The following SLC5A8 variants were observed in gnomAD, a reference collection of about 807,000 sequenced individuals.
The protein encoded by SLC5A8 is solute carrier family 5 member 8, also known as sodium-coupled monocarboxylate transporter 1.
SLC5A8 carries 55 observed loss-of-function variants against 71.9 expected under a neutral mutation model. That is an observed-to-expected ratio of 0.77 (90% confidence interval 0.62 to 0.96). The LOEUF (loss-of-function observed/expected upper bound fraction) is 0.96, where lower values mean the gene tolerates loss of function less well. Ranked by LOEUF, SLC5A8 falls within the 40% of genes least tolerant of loss-of-function variation. The probability of loss-of-function intolerance (pLI) is 0.00; values close to 1 mark genes in which losing one functional copy is unlikely to be tolerated. For missense variants in SLC5A8, 701 were observed against 745.3 expected, an observed-to-expected ratio of 0.94 and a Z score of 0.69; for synonymous variants, 307 against 276.1, an observed-to-expected ratio of 1.11 and a Z score of -1.11.
Position 101,157,314 on chromosome 12 carries a change from C to T in SLC5A8, c.1798G>A (p.Asp600Asn), listed in dbSNP as rs1449445650. The change falls in exon 15 of 15, where the codon GAT (aspartate) becomes AAT (asparagine). Residue 600 changes from aspartate to asparagine, a missense_variant. By Grantham distance (23) the Asp-to-Asn change is conservative (BLOSUM62 1). Transcript: ENST00000536262. ...GTCCCATTGCTCTTGCCACTCTGATCTGAGTTCAATTCAATGTGGTTGAAA... is the reference window on the plus strand; with the variant it reads ...GTCCCATTGCTCTTGCCACTCTGATTTGAGTTCAATTCAATGTGGTTGAAA... ...PAFNHIELNS[D>N]QSGKSNGTRL 1 of 1,613,578 alleles carries T rather than the reference C, an allele frequency of 6.2e-7. No individual in the cohort carries two copies. The highest frequency in any genetic ancestry group is 1.3e-5 in the African/African-American group (1 of 74,996).
intron 3 of SLC5A8, chr12:101,199,437 G>T (rs1869340455): frequency 6.6e-6 from 1 of 151,878 alleles, no homozygotes; most frequent in East Asian, 1.9e-4. Context: ...TGTATTAGAA[G>T]AATATCTGCT....
chr12:101,207,157 G>T (rs1471966619), intron 1 of SLC5A8, among the ~76,000 whole-genome samples: 1 of 152,238 alleles, frequency 6.6e-6, no homozygotes, highest in Non-Finnish European at 1.5e-5. Flanking sequence ...CTGGCACCCT[G>T]GAGGTGGATG....
At chr12:101,192,164 T>C (rs367822969) in intron 5 of SLC5A8, among the ~76,000 whole-genome samples, 2 of 152,190 alleles carry the variant, frequency 1.3e-5, no homozygotes, top group East Asian at 1.9e-4. Flanking sequence ...AGTCAAAATA[T>C]CTTGTTCTGC....
chr12:101,175,687 T>A (rs545696710), intron 10 of SLC5A8, among the ~76,000 whole-genome samples: 181 of 152,166 alleles, frequency 1.2e-3, no homozygotes, highest in African/African-American at 4.0e-3. Flanking sequence ...ACAATTAGAA[T>A]AGTAGCAGAT....
Position 101,158,230 on chromosome 12 carries a change from TA to T in SLC5A8, c.1710+18del. 6.5e-7 allele frequency: 1 copy of T among 1,532,018 alleles called. No homozygotes were observed. The allele number at this position is 1,532,018 out of a possible 1,614,324, so 94.9% of individuals were successfully genotyped here. ...TAAAGCCCAGTTTCCTAACTCAAGG[TA>T]AATGAAAGCCAACTCACTTTCTTAA... is the stretch of plus-strand genomic sequence containing the variant. On this transcript the variant is annotated intron_variant, in intron 14 of 14. Transcript: ENST00000536262.
intron 3 of SLC5A8, among the ~76,000 whole-genome samples, chr12:101,197,255 A>T (rs527388923): frequency 2.6e-4 from 39 of 152,346 alleles, no homozygotes; most frequent in African/African-American, 9.4e-4. Flanking sequence ...TCTTTATAGC[A>T]GTATTCCATC....
Position 101,209,880 on chromosome 12 carries a change from A to C in SLC5A8, c.-32T>G. On this transcript the variant is annotated 5_prime_UTR_variant, in exon 1 of 15. Coordinates refer to ENST00000536262, the MANE Select transcript of SLC5A8 (RefSeq NM_145913.5). ...ACGGTCGCCTGAGCCCTGCGCGCAAACTGGTGGCCCCGCGGCGCGCAGCCG... is the reference window on the plus strand; with the variant it reads ...ACGGTCGCCTGAGCCCTGCGCGCAACCTGGTGGCCCCGCGGCGCGCAGCCG... 1.4e-6 allele frequency: 2 copies of C among 1,480,694 alleles called. No homozygotes were observed. The highest frequency in any genetic ancestry group is 1.8e-6 in the Non-Finnish European group (2 of 1,113,682). 91.7% of individuals were successfully genotyped at this position (1,480,694 alleles called of 1,614,324 possible).
chr12:101,176,445 T>C (rs1168128910), intron 10 of SLC5A8, among the ~76,000 whole-genome samples: 1 of 151,998 alleles, frequency 6.6e-6, no homozygotes, highest in African/African-American at 2.4e-5. Context: ...AGAATGTAAT[T>C]GATATTTATG....
intron 13 of SLC5A8, among the ~76,000 whole-genome samples, chr12:101,161,228 T>G (rs1170084991): frequency 6.6e-6 from 1 of 152,236 alleles, no homozygotes. Flanking sequence ...ACCTCTTCTT[T>G]TGTCTACTCT....
At chr12:101,169,911 T>C (rs1264073560) in intron 10 of SLC5A8, among the ~76,000 whole-genome samples, 1 of 152,120 alleles carries the variant, frequency 6.6e-6, no homozygotes, top group Non-Finnish European at 1.5e-5. Flanking sequence ...AGTTTGATAA[T>C]GGAGATGATA....
intron 10 of SLC5A8, among the ~76,000 whole-genome samples, chr12:101,174,795 G>A (rs1425462831): frequency 6.6e-6 from 1 of 152,178 alleles, no homozygotes; most frequent in Non-Finnish European, 1.5e-5. Flanking sequence ...ACCTCCACCT[G>A]AAGTAATGAG....
intron 1 of SLC5A8, among the ~76,000 whole-genome samples, chr12:101,206,590 T>C (rs2137173474): frequency 6.6e-6 from 1 of 152,366 alleles, no homozygotes; most frequent in Non-Finnish European, 1.5e-5. Context: ...ACCCGGAGAC[T>C]GGACCAGATG....
intron 3 of SLC5A8, among the ~76,000 whole-genome samples, chr12:101,200,295 G>C (rs1325099257): frequency 6.6e-6 from 1 of 151,960 alleles, no homozygotes; most frequent in Non-Finnish European, 1.5e-5. Flanking sequence ...TCTATATCTT[G>C]AGCGGGGTGG....
At chr12:101,170,889 G>A (rs570357347) in intron 10 of SLC5A8, among the ~76,000 whole-genome samples, 5 of 152,272 alleles carry the variant, frequency 3.3e-5, no homozygotes, top group South Asian at 2.1e-4. Context: ...CGCGTGTTTC[G>A]GGTGGTCCTA....
chr12:101,206,721 T>A (rs1869695420), intron 1 of SLC5A8, among the ~76,000 whole-genome samples: 1 of 152,228 alleles, frequency 6.6e-6, no homozygotes, highest in South Asian at 2.1e-4. Flanking sequence ...TTTGAATTGC[T>A]TCTGTTGATA....
At chr12:101,183,325 G>A (rs1479850246) in intron 8 of SLC5A8, among the ~76,000 whole-genome samples, 4 of 152,046 alleles carry the variant, frequency 2.6e-5, no homozygotes, top group Non-Finnish European at 5.9e-5. Context: ...GATTACAGGC[G>A]TGAGCCACTA....
intron 10 of SLC5A8, among the ~76,000 whole-genome samples, chr12:101,173,000 G>A (rs1278271806): frequency 6.6e-6 from 1 of 152,126 alleles, no homozygotes; most frequent in East Asian, 1.9e-4. Context: ...TTCTTCCTCA[G>A]TGTGCACCAG....
At chr12:101,175,962 C>T (rs187868290) in intron 10 of SLC5A8, among the ~76,000 whole-genome samples, 1 of 152,014 alleles carries the variant, frequency 6.6e-6, no homozygotes, top group African/African-American at 2.4e-5. Flanking sequence ...ACCAAACAGA[C>T]AACTAAAAAC....
chr12:101,175,805 T>C (rs1262537656), intron 10 of SLC5A8, among the ~76,000 whole-genome samples: 2 of 151,850 alleles, frequency 1.3e-5, no homozygotes, highest in African/African-American at 4.8e-5. Context: ...AAAATATCCT[T>C]TGGGGATAAA....
Sources: allele counts gnomAD v4.1 joint callset (sites outside exome capture counted in the v4.1 genomes callset), GRCh38; gene constraint gnomAD v4.1.1; transcripts MANE v1.5; gene names NCBI Gene and HGNC (gene_info 2026-07-23, HGNC 2026-07-21).